Variants in DAPK2 observed in about 807,000 individuals in gnomAD.
The protein encoded by DAPK2 is death-associated protein kinase 2.
DAPK2 carries 35 observed loss-of-function variants against 44.1 expected under a neutral mutation model. The observed-to-expected ratio is 0.79, with a 90% CI of 0.61 to 1.05. The LOEUF is 1.05. Ranked by LOEUF, DAPK2 falls within the 50% of genes least tolerant of loss-of-function variation. The pLI, the probability that DAPK2 is intolerant of heterozygous loss-of-function variation, is 0.00. For missense variants in DAPK2, 453 were observed against 483.2 expected, an observed-to-expected ratio of 0.94 and a Z score of 0.59; for synonymous variants, 174 against 182.6, an observed-to-expected ratio of 0.95 and a Z score of 0.38.
chr15:64,033,627 C>A (rs1263588500), intron 1 of DAPK2, among the ~76,000 whole-genome samples: 1 of 151,958 alleles, frequency 6.6e-6, no homozygotes, highest in South Asian at 2.1e-4. Flanking sequence ...AAATGACCAT[C>A]GCTGGGCACA....
chr15:63,914,516 C>G (rs1008954845), intron 8 of DAPK2, among the ~76,000 whole-genome samples: 10 of 152,178 alleles, frequency 6.6e-5, no homozygotes, highest in South Asian at 2.1e-4. Context: ...CTAGTCCCCC[C>G]CTGGAAGGGA....
At chr15:63,956,588 A>T (rs868632479) in intron 3 of DAPK2, among the ~76,000 whole-genome samples, 2 of 151,578 alleles carry the variant, frequency 1.3e-5, no homozygotes, top group East Asian at 3.9e-4. Context: ...ATTTCAATTT[A>T]AATTTTTTTT....
rs962844276 is a variant in DAPK2, at chr15:63,923,777, C to T, written c.858+1039G>A. Among the ~76,000 whole-genome samples the T allele has an allele frequency of 2.0e-5, 3 of 152,226 alleles. No individual in the cohort carries two copies. The highest frequency in any genetic ancestry group is 7.2e-5 in the African/African-American group (3 of 41,466). On this transcript the variant is annotated intron_variant, in intron 8 of 10. Coordinates refer to ENST00000261891, the Ensembl canonical transcript of DAPK2. The surrounding 1 kb of genome is among the most constrained non-coding windows in gnomAD (Gnocchi z 4.2). The stretch of plus-strand genomic sequence containing the variant: ...ATGAAGCTGAGCAGATAAAGCTGAC[C>T]TCTTCCCAGACGACTCCAGCCCTCC...
At chr15:64,004,294 T>A (rs1021473268) in intron 1 of DAPK2, among the ~76,000 whole-genome samples, 1 of 152,200 alleles carries the variant, frequency 6.6e-6, no homozygotes, top group Non-Finnish European at 1.5e-5. Flanking sequence ...AGAGGCTTGA[T>A]CAGATTCAGG....
Position 63,939,764 on chromosome 15 carries a change from G to A in DAPK2, c.454-403C>T, listed in dbSNP as rs1485611406. On this transcript the variant is annotated intron_variant, in intron 3 of 10. Coordinates refer to ENST00000261891, the Ensembl canonical transcript of DAPK2. The surrounding 1 kb of genome is among the most constrained non-coding windows in gnomAD (Gnocchi z 4.3). ...ACTGCTGTGTGGGTGTGAAAGGGAC[G>A]GGGACATCCCAGCTTAGCCTCTGTT... Among the ~76,000 whole-genome samples, 1 of 152,170 alleles carries A rather than the reference G, an allele frequency of 6.6e-6. No homozygotes were observed. Among genetic ancestry groups the A allele is most frequent in the African/African-American group, 2.4e-5 (1 of 41,444 alleles).
chr15:64,016,945 G>A (rs1377394788), intron 1 of DAPK2, among the ~76,000 whole-genome samples: 1 of 152,126 alleles, frequency 6.6e-6, no homozygotes, highest in Non-Finnish European at 1.5e-5. Flanking sequence ...TACAACAGGA[G>A]CACAATAAAT....
At chr15:63,925,054 G>A (rs535268237) in intron 7 of DAPK2, among the ~76,000 whole-genome samples, 193 bp from the exon 9 acceptor site, 3 of 152,336 alleles carry the variant, frequency 2.0e-5, no homozygotes, top group African/African-American at 7.2e-5. Context: ...AAGCAGTCCA[G>A]ACAGACCCCT....
chr15:63,953,736 C>T (rs1332648063), intron 3 of DAPK2, among the ~76,000 whole-genome samples: 1 of 152,140 alleles, frequency 6.6e-6, no homozygotes, highest in East Asian at 1.9e-4. Context: ...ACATTCCCAC[C>T]AACAGTGTAC....
At chr15:63,959,597 C>T (rs1045967430) in intron 3 of DAPK2, among the ~76,000 whole-genome samples, 4 of 152,188 alleles carry the variant, frequency 2.6e-5, no homozygotes, top group Non-Finnish European at 5.9e-5. Flanking sequence ...GCCTTTTCTG[C>T]ATCTATTGAG....
At chr15:63,995,245 A>T (rs1003463716) in intron 1 of DAPK2, among the ~76,000 whole-genome samples, 17 of 151,902 alleles carry the variant, frequency 1.1e-4, no homozygotes, top group African/African-American at 4.1e-4. Flanking sequence ...ACAGTGGCAC[A>T]ATCATAGCTC....
chr15:63,911,740 C>T (rs889042010), intron 10 of DAPK2, 168 bp downstream of exon 11: 9 of 704,198 alleles, frequency 1.3e-5, no homozygotes, highest in Admixed American at 4.6e-5. Context: ...GAACACACTC[C>T]TCTGAAGATC....
At chr15:63,955,493 T>C (rs1177050604) in intron 3 of DAPK2, among the ~76,000 whole-genome samples, 1 of 152,214 alleles carries the variant, frequency 6.6e-6, no homozygotes, top group Non-Finnish European at 1.5e-5. Flanking sequence ...TACTGGCCTC[T>C]TAGAACGACT....
Position 63,938,444 on chromosome 15 carries a change from C to T in DAPK2, c.583+788G>A, listed in dbSNP as rs908032545. 2.4e-4 allele frequency among the ~76,000 whole-genome samples: 36 copies of T among 152,198 alleles called. 1 individual carries two copies. Among genetic ancestry groups the T allele is most frequent in the African/African-American group, 8.0e-4 (33 of 41,436 alleles). The stretch of plus-strand genomic sequence containing the variant: ...GCAGCATTCTACGGTGGCTGCAGAG[C>T]CTGAAAATCCACCAGGTGGTTGGTC... On this transcript the variant is annotated intron_variant, in intron 4 of 10. Transcript: ENST00000261891.
At chr15:64,003,028 G>C (rs1273481864) in intron 1 of DAPK2, among the ~76,000 whole-genome samples, 1 of 143,386 alleles carries the variant, frequency 7.0e-6, no homozygotes, top group East Asian at 2.3e-4. Context: ...TGGGACCAGA[G>C]GTGGTGGGGT....
intron 1 of DAPK2, among the ~76,000 whole-genome samples, chr15:64,017,066 T>C (rs908447138): frequency 1.3e-5 from 2 of 152,130 alleles, no homozygotes; most frequent in African/African-American, 4.8e-5. Flanking sequence ...ATCCACAATG[T>C]TGGGGCTGTC....
chr15:64,038,579 T>A (rs2080272659), intron 1 of DAPK2, among the ~76,000 whole-genome samples: 1 of 152,090 alleles, frequency 6.6e-6, no homozygotes, highest in South Asian at 2.1e-4. Context: ...CCACCCACCA[T>A]CCAGTCAGCC....
intron 1 of DAPK2, among the ~76,000 whole-genome samples, chr15:64,014,677 T>C (rs2079475035): frequency 6.6e-6 from 1 of 152,190 alleles, no homozygotes; most frequent in South Asian, 2.1e-4. Flanking sequence ...CCTAACACTT[T>C]GAGAGGCCAA....
At chr15:63,940,667 G>A (rs2077282078) in intron 3 of DAPK2, among the ~76,000 whole-genome samples, 1 of 152,102 alleles carries the variant, frequency 6.6e-6, no homozygotes, top group Non-Finnish European at 1.5e-5. Context: ...AACCAAGATC[G>A]TGCCACTGCA....
chr15:64,002,562 C>T (rs982693911), intron 1 of DAPK2, among the ~76,000 whole-genome samples: 1 of 152,188 alleles, frequency 6.6e-6, no homozygotes, highest in Admixed American at 6.5e-5. Context: ...ACTAAACTCT[C>T]CCAGCTCCAG....
Sources: gnomAD v4.1 joint callset for allele counts (sites outside exome capture counted in the v4.1 genomes callset) on GRCh38, gnomAD v4.1.1 for gene constraint, Gnocchi (gnomAD v3.1) non-coding constraint, MANE v1.5 for transcripts, NCBI Gene and HGNC (gene_info 2026-07-23, HGNC 2026-07-21) for gene names.